The following MMP21 variants were observed in gnomAD, a reference collection of about 807,000 sequenced individuals.
MMP21 encodes matrix metalloproteinase-21.
A neutral mutation model predicts 47.8 loss-of-function variants in MMP21; 40 were observed. The ratio of observed to expected loss-of-function variants is 0.84; its 90% CI spans 0.65 to 1.09. The LOEUF (loss-of-function observed/expected upper bound fraction) is 1.09, where lower values mean the gene tolerates loss of function less well. Among genes scored for constraint, MMP21 ranks in the 50% least tolerant of loss-of-function variants. The pLI, the probability that MMP21 is intolerant of heterozygous loss-of-function variation, is 0.00. For missense variants in MMP21, 747 were observed against 775.3 expected, an observed-to-expected ratio of 0.96 and a Z score of 0.43; for synonymous variants, 341 against 318.0, an observed-to-expected ratio of 1.07 and a Z score of -0.77.
intron 1 of MMP21, 96 bp downstream of exon 1, chr10:125,775,564 C>A: frequency 7.0e-7 from 1 of 1,435,510 alleles, no homozygotes; most frequent in East Asian, 2.6e-5. Context: ...CTCTGCACAG[C>A]CGGCATCCTG....
chr10:125,773,942 G>A lies in MMP21; in HGVS notation c.586C>T (p.Arg196Cys), dbSNP rs1850481744. Residue 196 changes from arginine (R) to cysteine (C), a missense_variant, in exon 2 of 7, where the codon CGC becomes TGC. Transcript: ENST00000368808. The surrounding 1 kb of genome is among the most constrained non-coding windows in gnomAD (Gnocchi z 4.8). ...SSQLSVADQR[R>C]IVALAFRMWS... ...ATCCTGAAGGCCAGCGCCACAATGC[G>A]CCGCTGGTCGGCCACGGACAGTTGG... The A allele has an allele frequency of 1.3e-6, 2 of 1,585,422 alleles. No homozygotes were observed. The highest frequency in any genetic ancestry group is 1.7e-6 in the Non-Finnish European group (2 of 1,173,346).
intron 5 of MMP21, among the ~76,000 whole-genome samples, chr10:125,769,254 G>T (rs28381307): frequency 0.027 from 4,128 of 152,266 alleles, 178 homozygotes; most frequent in African/African-American, 0.095. Flanking sequence ...TGCCTTTCTT[G>T]GTGTGTTCCC....
intron 1 of MMP21, among the ~76,000 whole-genome samples, chr10:125,775,197 C>T (rs1448296585): frequency 6.6e-6 from 1 of 152,214 alleles, no homozygotes; most frequent in Non-Finnish European, 1.5e-5. Flanking sequence ...CTCCTGGGTG[C>T]TTCACCACAG....
rs1245923766 is a variant in MMP21 at position 125,773,935 on chromosome 10, A to G, written c.593T>C (p.Val198Ala). Residue 198 changes from valine (V) to alanine (A), a missense_variant, in exon 2 of 7, where the codon GTG becomes GCG. Coordinates refer to ENST00000368808, the MANE Select transcript of MMP21 (RefSeq NM_147191.1). This position sits in a 1 kb window ranked among gnomAD's most constrained non-coding sequence, Gnocchi z 4.8. ...GCTCCACATCCTGAAGGCCAGCGCC[A>G]CAATGCGCCGCTGGTCGGCCACGGA... ...QLSVADQRRI[V>A]ALAFRMWSEV... The G allele has an allele frequency of 8.8e-6, 14 of 1,586,002 alleles. No homozygotes were observed. The highest frequency in any genetic ancestry group is 3.3e-4 in the Middle Eastern group (2 of 6,022).
At position 125,772,138 on chromosome 10, in the gene MMP21, G is replaced by T; in HGVS notation, c.979+80C>A. ...GCGCTCTTAGGCCCAGTTTCCCAGT[G>T]AGGAGTGAGCGGGGTCCTACAGTGC... On this transcript the variant is annotated intron_variant, in intron 4 of 6. Transcript: ENST00000368808. The surrounding 1 kb of genome is among the most constrained non-coding windows in gnomAD (Gnocchi z 5.6). 1 of 1,535,420 alleles carries T rather than the reference G, an allele frequency of 6.5e-7. No homozygotes were observed. The highest frequency in any genetic ancestry group is 8.9e-7 in the Non-Finnish European group (1 of 1,120,734).
Position 125,767,552 on chromosome 10 carries a change from A to C in MMP21, c.1390T>G (p.Tyr464Asp). The change falls in exon 6 of 7, where the codon TAC becomes GAC. Residue 464 changes from tyrosine to aspartate, a missense_variant. Transcript: ENST00000368808. ...AFYDRRQKLI[Y>D]FFKESLVFAF... ...CTTACAAGGGACTCCTTGAAGAAGTAAATTAACTTCTGTCTTCGGTCATAA... is the reference window on the plus strand; with the variant it reads ...CTTACAAGGGACTCCTTGAAGAAGTCAATTAACTTCTGTCTTCGGTCATAA... 6.2e-7 allele frequency: 1 copy of C among 1,614,130 alleles called. No individual in the cohort carries two copies.
At position 125,766,656 on chromosome 10, in the gene MMP21, T is replaced by G. The variant is rs767054422; in HGVS notation, c.*6A>C. On this transcript the variant is annotated 3_prime_UTR_variant, in exon 7 of 7. Coordinates refer to ENST00000368808, the MANE Select transcript of MMP21 (RefSeq NM_147191.1). ...CCTATGACCCTCCATTTCCTACTTT[T>G]TCTTATTACATGTTCAGTGTGGAGA... is the stretch of plus-strand genomic sequence containing the variant. 4 of 1,577,634 alleles carry G rather than the reference T, an allele frequency of 2.5e-6. No homozygotes were observed. In the South Asian group the frequency reaches 4.8e-5, roughly 19 times the overall value.
At position 125,773,958 on chromosome 10, in the gene MMP21, G is replaced by A; in HGVS notation, c.570C>T (p.Ser190=). ...LLGEALSSQL[S]VADQRRIVAL... ...CCACAATGCGCCGCTGGTCGGCCAC[G>A]GACAGTTGGCTGCTCAGGGCCTCGC... Residue 190 remains serine (S), a synonymous_variant, in exon 2 of 7, where the codon TCC becomes TCT. Coordinates refer to ENST00000368808, the MANE Select transcript of MMP21 (RefSeq NM_147191.1). The surrounding 1 kb of genome is among the most constrained non-coding windows in gnomAD (Gnocchi z 4.8). 1 of 1,582,210 alleles carries A rather than the reference G, an allele frequency of 6.3e-7. No individual in the cohort carries two copies.
Position 125,766,820 on chromosome 10 carries a change from T to C in MMP21, c.1552A>G (p.Ile518Val). 1 of 1,613,964 alleles carries C rather than the reference T, an allele frequency of 6.2e-7. No homozygotes were observed. The highest frequency in any genetic ancestry group is 8.5e-7 in the Non-Finnish European group (1 of 1,179,950). ...SAYYSYAYNSIFFFKGNAYWK... is the reference protein window; with the variant it reads ...SAYYSYAYNSVFFFKGNAYWK... Reference sequence around the variant, plus strand: ...TATGCATTGCCTTTGAAAAAGAAAATGGAGTTGTATGCATAGGAGTAATAA... The same window carrying C: ...TATGCATTGCCTTTGAAAAAGAAAACGGAGTTGTATGCATAGGAGTAATAA... The change falls in exon 7 of 7, where the codon ATT (isoleucine) becomes GTT (valine). Residue 518 changes from isoleucine (I) to valine (V), a missense_variant. Ile to Val is a conservative substitution (Grantham distance 29). Transcript: ENST00000368808.
At chr10:125,775,418 G>A (rs1432369263) in intron 1 of MMP21, among the ~76,000 whole-genome samples, 1 of 152,188 alleles carries the variant, frequency 6.6e-6, no homozygotes, top group Non-Finnish European at 1.5e-5. Context: ...TGTTGTCTGC[G>A]CACTGACATT....
Position 125,773,646 on chromosome 10 carries a change from AGG to A in MMP21, c.697+183_697+184del, listed in dbSNP as rs539202391. 2.1e-3 allele frequency among the ~76,000 whole-genome samples: 325 copies of A among 152,138 alleles called. 1 individual carries two copies. The highest frequency in any genetic ancestry group is 3.6e-3 in the Non-Finnish European group (242 of 67,994). On this transcript the variant is annotated intron_variant, in intron 2 of 6. Transcript: ENST00000368808. This position sits in a 1 kb window ranked among gnomAD's most constrained non-coding sequence, Gnocchi z 4.8. ...CAGTAGGCCACACCAGGCTATCTGC[AGG>A]GTGACCATGATTCCGACAAGACGAC...
In MMP21 at chr10:125,772,776, C is replaced by T. The variant is rs768562191; in HGVS notation, c.698-26G>A. The T allele has an allele frequency of 1.2e-5, 20 of 1,608,210 alleles. No individual in the cohort carries two copies. Among genetic ancestry groups the T allele is most frequent in the Non-Finnish European group, 1.4e-5 (16 of 1,177,452 alleles). The stretch of plus-strand genomic sequence containing the variant: ...CTGGCGAGGGGGAGGAGGAGTTGGT[C>T]CCGGTGAAGGATGAGTGCCCCCCAT... On this transcript the variant is annotated intron_variant, in intron 2 of 6. Coordinates refer to ENST00000368808, the MANE Select transcript of MMP21 (RefSeq NM_147191.1). The surrounding 1 kb of genome is among the most constrained non-coding windows in gnomAD (Gnocchi z 5.6).
At chr10:125,769,693 C>G (rs1564762371) in intron 5 of MMP21, among the ~76,000 whole-genome samples, 1 of 152,200 alleles carries the variant, frequency 6.6e-6, no homozygotes, top group Non-Finnish European at 1.5e-5. Flanking sequence ...TCGGTCTGCC[C>G]CTTAAAAACA....
intron 6 of MMP21, 88 bp from the exon 7 acceptor site, chr10:125,767,049 CTT>C: frequency 9.4e-7 from 1 of 1,058,266 alleles, no homozygotes; most frequent in Non-Finnish European, 1.3e-6. Flanking sequence ...TAACTCAAGA[CTT>C]TGTACCAAAT....
In MMP21 at chr10:125,772,603, C is replaced by A. The variant is rs1850462008; in HGVS notation, c.837+8G>T. ...GTCTTATCAACACAGTGGCTCAGGA[C>A]CACTGACCTTGAGAAGGCTGATGCC... is the stretch of plus-strand genomic sequence containing the variant. On this transcript the variant is annotated splice_region_variant and intron_variant, in intron 3 of 6. Transcript: ENST00000368808. This position sits in a 1 kb window ranked among gnomAD's most constrained non-coding sequence, Gnocchi z 5.6. 1.2e-6 allele frequency: 2 copies of A among 1,614,098 alleles called. No individual in the cohort carries two copies.
intron 4 of MMP21, among the ~76,000 whole-genome samples, chr10:125,771,008 C>T (rs1589892862): frequency 1.3e-5 from 2 of 151,670 alleles, no homozygotes; most frequent in Admixed American, 6.6e-5. Context: ...CCAGCTTGGG[C>T]GATAGAGTGA....
rs202130261 is a variant in MMP21, at chr10:125,772,354, G to A, written c.843C>T (p.Ala281=). ...SDTGISLLKV[A]VHEIGHVLGL... ...CCAGGACATGGCCAATTTCATGGAC[G>A]GCCACCTAGAAGGGGACACACACCA... The change falls in exon 4 of 7, where the codon GCC becomes GCT. Residue 281 remains alanine (A), a synonymous_variant. Transcript: ENST00000368808. The surrounding 1 kb of genome is among the most constrained non-coding windows in gnomAD (Gnocchi z 5.6). 2.9e-5 allele frequency: 46 copies of A among 1,613,904 alleles called. No individual in the cohort carries two copies. The highest frequency in any genetic ancestry group is 3.7e-5 in the Non-Finnish European group (44 of 1,179,992).
chr10:125,772,309 C>A lies in MMP21; in HGVS notation c.888G>T (p.Arg296Ser). The A allele has an allele frequency of 6.2e-7, 1 of 1,614,146 alleles. No homozygotes were observed. The highest frequency in any genetic ancestry group is 8.5e-7 in the Non-Finnish European group (1 of 1,180,020). Residue 296 changes from arginine to serine, a missense_variant, in exon 4 of 7, where the codon AGG becomes AGT. Coordinates refer to ENST00000368808, the MANE Select transcript of MMP21 (RefSeq NM_147191.1). The surrounding 1 kb of genome is among the most constrained non-coding windows in gnomAD (Gnocchi z 5.6). ...AATTTGGTTGCATTATGGATCCCGT[C>A]CTGTAGGTGTGAGGCAAGCCCAGGA... ...GHVLGLPHTYRTGSIMQPNYI... is the reference protein window; with the variant it reads ...GHVLGLPHTYSTGSIMQPNYI...
chr10:125,770,447 C>T lies in MMP21; in HGVS notation c.1124G>A (p.Arg375His). 8 of 1,614,162 alleles carry T rather than the reference C, an allele frequency of 5.0e-6. No homozygotes were observed. Among genetic ancestry groups the T allele is most frequent in the African/African-American group, 2.7e-5 (2 of 75,032 alleles). Residue 375 changes from arginine to histidine, a missense_variant, in exon 5 of 7, where the codon CGC becomes CAC. Physicochemically the swap from Arg to His is conservative, Grantham distance 29. Transcript: ENST00000368808. ...GAGGATTTGGATAGGGTCCCCATAG[C>T]GTGTCCTATTGTTTCGATTTTCATA... ...WLYENRNNRT[R>H]YGDPIQILTG...
Sources: gnomAD v4.1 joint callset for allele counts (sites outside exome capture counted in the v4.1 genomes callset) on GRCh38, gnomAD v4.1.1 for gene constraint, Gnocchi (gnomAD v3.1) non-coding constraint, MANE v1.5 for transcripts, NCBI Gene and HGNC (gene_info 2026-07-23, HGNC 2026-07-21) for gene names.